FSIP1: variants seen among roughly 807,000 people sequenced by gnomAD.
FSIP1 encodes fibrous sheath interacting protein 1.
A neutral mutation model predicts 60.9 loss-of-function variants in FSIP1; 65 were observed. The ratio of observed to expected loss-of-function variants is 1.07; its 90% CI spans 0.87 to 1.31. FSIP1 has a LOEUF of 1.31. FSIP1 is among the 40% of genes most tolerant of loss of function. The pLI is 0.00. For missense variants in FSIP1, 675 were observed against 665.5 expected (o/e 1.01, Z -0.16); for synonymous variants, 209 against 221.2 (o/e 0.94, Z 0.49).
At chr15:39,724,894 A>T (rs1342246933) in intron 9 of FSIP1, among the ~76,000 whole-genome samples, 2 of 150,128 alleles carry the variant, frequency 1.3e-5, no homozygotes, top group Non-Finnish European at 3.0e-5. Flanking sequence ...CTTTTTGAAA[A>T]ATAGAATTCA....
At chr15:39,726,050 C>G (rs902323622) in intron 9 of FSIP1, among the ~76,000 whole-genome samples, 4 of 152,126 alleles carry the variant, frequency 2.6e-5, no homozygotes, top group African/African-American at 4.8e-5. Context: ...CCTTGGCCTC[C>G]CAAAGTGCTG....
intron 11 of FSIP1, among the ~76,000 whole-genome samples, chr15:39,602,503 A>T (rs142504372): frequency 3.3e-4 from 50 of 152,302 alleles, no homozygotes; most frequent in African/African-American, 1.0e-3. Context: ...AGTTCTTATT[A>T]AAAAAAGACT....
chr15:39,748,136 T>G (rs763351235), intron 5 of FSIP1, among the ~76,000 whole-genome samples: 3 of 152,190 alleles, frequency 2.0e-5, no homozygotes, highest in Non-Finnish European at 2.9e-5. Flanking sequence ...CATCCTCTTG[T>G]CATTTCATGT....
chr15:39,645,700 C>T (rs1892569935), intron 10 of FSIP1, among the ~76,000 whole-genome samples: 1 of 152,238 alleles, frequency 6.6e-6, no homozygotes, highest in African/African-American at 2.4e-5. Flanking sequence ...TGCAGGGCGT[C>T]TCTGCAGCCT....
intron 10 of FSIP1, among the ~76,000 whole-genome samples, chr15:39,703,193 G>C (rs1895131281): frequency 6.6e-6 from 1 of 152,058 alleles, no homozygotes; most frequent in South Asian, 2.1e-4. Context: ...TAGTGGTCAG[G>C]CTGGTCTCGA....
At chr15:39,683,073 G>A (rs1183446144) in intron 10 of FSIP1, among the ~76,000 whole-genome samples, 3 of 152,184 alleles carry the variant, frequency 2.0e-5, no homozygotes, top group African/African-American at 7.2e-5. Flanking sequence ...GTTGGTACCA[G>A]GTGGGTTCTT....
rs1891454040 is a variant in FSIP1, at chr15:39,621,880, T to C, written c.1189-3635A>G. Among the ~76,000 whole-genome samples, 3 of 152,228 alleles carry C rather than the reference T, an allele frequency of 2.0e-5. No individual in the cohort carries two copies. The South Asian group carries it at 6.2e-4, about 32-fold the overall frequency. ...AACACGACCCATCTTTCTCATCTTTTGATTCCCAGCAGAGTCTTGCCCACA... is the reference window on the plus strand; with the variant it reads ...AACACGACCCATCTTTCTCATCTTTCGATTCCCAGCAGAGTCTTGCCCACA... On this transcript the variant is annotated intron_variant, in intron 10 of 11. Coordinates refer to ENST00000350221, the MANE Select transcript of FSIP1 (RefSeq NM_152597.5).
intron 10 of FSIP1, among the ~76,000 whole-genome samples, chr15:39,651,525 G>A (rs2140436747): frequency 6.6e-6 from 1 of 152,278 alleles, no homozygotes. Flanking sequence ...ACTTCTCTAA[G>A]CCTCAGTTTT....
At chr15:39,658,066 G>A (rs1893140706) in intron 10 of FSIP1, among the ~76,000 whole-genome samples, 1 of 152,036 alleles carries the variant, frequency 6.6e-6, no homozygotes, top group Non-Finnish European at 1.5e-5. Context: ...AATAAAATGG[G>A]TGACTATCTT....
chr15:39,658,653 G>A (rs1893170244), intron 10 of FSIP1, among the ~76,000 whole-genome samples: 2 of 152,154 alleles, frequency 1.3e-5, no homozygotes, highest in South Asian at 2.1e-4. Context: ...AGATTTTTAA[G>A]ATAGACATAG....
chr15:39,739,873 T>C, intron 6 of FSIP1, 84 bp from the exon 7 acceptor site: 2 of 793,600 alleles, frequency 2.5e-6, no homozygotes, highest in Non-Finnish European at 3.8e-6. Flanking sequence ...TATTAAAATA[T>C]ATAAGAACTA....
Position 39,734,235 on chromosome 15 carries a change from A to T in FSIP1, c.891+3856T>A, listed in dbSNP as rs190454972. On this transcript the variant is annotated intron_variant, in intron 8 of 11. Transcript: ENST00000350221. The stretch of plus-strand genomic sequence containing the variant: ...CAAATGAGGAAAAAATAAATATTTG[A>T]ATACACAAACACTCAAAAATTATCC... 1.5e-4 allele frequency among the ~76,000 whole-genome samples: 23 copies of T among 152,348 alleles called. No homozygotes were observed. The East Asian group carries it at 3.1e-3, about 20-fold the overall frequency.
intron 8 of FSIP1, among the ~76,000 whole-genome samples, chr15:39,737,727 A>C (rs985064186): frequency 6.6e-6 from 1 of 152,024 alleles, no homozygotes; most frequent in Admixed American, 6.6e-5. Context: ...TATACAGGTA[A>C]ATTTGTGTCA....
chr15:39,760,700 G>A (rs898224449), intron 5 of FSIP1, among the ~76,000 whole-genome samples: 1 of 152,158 alleles, frequency 6.6e-6, no homozygotes, highest in Non-Finnish European at 1.5e-5. Context: ...ACAACGAAAT[G>A]TAACATGGGA....
At chr15:39,745,888 TG>T (rs1896975891) in intron 5 of FSIP1, among the ~76,000 whole-genome samples, 1 of 152,068 alleles carries the variant, frequency 6.6e-6, no homozygotes, top group Non-Finnish European at 1.5e-5. Flanking sequence ...AAGGCCAGAC[TG>T]GGCAAGATGG....
At chr15:39,621,687 CAA>C (rs978911857) in intron 10 of FSIP1, among the ~76,000 whole-genome samples, 1 of 152,100 alleles carries the variant, frequency 6.6e-6, no homozygotes, top group Non-Finnish European at 1.5e-5. Context: ...AAAATAATAG[CAA>C]AAAGAGAACT....
chr15:39,610,956 T>C (rs1891006492), intron 11 of FSIP1, among the ~76,000 whole-genome samples: 1 of 152,190 alleles, frequency 6.6e-6, no homozygotes, highest in Non-Finnish European at 1.5e-5. Context: ...CCACTAGGCC[T>C]GCCTAACAGG....
chr15:39,652,886 G>A (rs147955096), intron 10 of FSIP1, among the ~76,000 whole-genome samples: 7 of 151,758 alleles, frequency 4.6e-5, no homozygotes, highest in East Asian at 3.9e-4. Context: ...TTTTTTTAAC[G>A]GTATGCAGGC....
intron 5 of FSIP1, among the ~76,000 whole-genome samples, chr15:39,755,847 C>T (rs1444653110): frequency 6.6e-6 from 1 of 152,042 alleles, no homozygotes; most frequent in African/African-American, 2.4e-5. Flanking sequence ...AAAAGAATAA[C>T]CTCTATCAAA....
Sources: gnomAD v4.1 joint callset for allele counts (sites outside exome capture counted in the v4.1 genomes callset) on GRCh38, gnomAD v4.1.1 for gene constraint, MANE v1.5 for transcripts, NCBI Gene and HGNC (gene_info 2026-07-23, HGNC 2026-07-21) for gene names.